The following LYN variants were observed in gnomAD, a reference collection of about 807,000 sequenced individuals.
LYN encodes the protein LYN proto-oncogene, Src family tyrosine kinase.
A neutral mutation model predicts 65.0 loss-of-function variants in LYN; 12 were observed. The ratio of observed to expected loss-of-function variants is 0.18; its 90% confidence interval spans 0.12 to 0.30. The LOEUF (loss-of-function observed/expected upper bound fraction) is 0.30, where lower values mean the gene tolerates loss of function less well. LYN is among the 10% of genes least tolerant of loss of function. The probability of loss-of-function intolerance (pLI) is 1.00; values close to 1 mark genes in which losing one functional copy is unlikely to be tolerated. For synonymous variants in LYN, 222 were observed against 221.2 expected, an observed-to-expected ratio of 1.00 and a Z score of -0.03; for missense variants, 380 against 623.2, an observed-to-expected ratio of 0.61 and a Z score of 4.16.
intron 6 of LYN, 82 bp from the exon 7 acceptor site, chr8:55,951,884 A>C: frequency 9.0e-7 from 1 of 1,109,756 alleles, no homozygotes; most frequent in Non-Finnish European, 1.3e-6. Context: ...TATTTGTATC[A>C]CAAAATGTGT....
At chr8:55,880,968 T>G (rs1420126292) in intron 1 of LYN, among the ~76,000 whole-genome samples, 3 of 152,158 alleles carry the variant, frequency 2.0e-5, no homozygotes, top group African/African-American at 7.2e-5. Context: ...TATCCCAAAT[T>G]CGCCCTTCTT....
At chr8:55,889,789 G>A (rs570763269) in intron 1 of LYN, among the ~76,000 whole-genome samples, 3 of 152,128 alleles carry the variant, frequency 2.0e-5, no homozygotes, top group African/African-American at 7.2e-5. Context: ...TTAATTTCAT[G>A]TGGGGGCTGA....
At chr8:55,911,082 CAT>C (rs1278671702) in intron 1 of LYN, among the ~76,000 whole-genome samples, 1 of 28,694 alleles carries the variant, frequency 3.5e-5, no homozygotes, top group Non-Finnish European at 6.2e-5. Flanking sequence ...TATATACATA[CAT>C]ATATATATAT....
intron 10 of LYN, among the ~76,000 whole-genome samples, chr8:55,994,217 TA>T (rs1808316161): frequency 6.6e-6 from 1 of 152,200 alleles, no homozygotes; most frequent in East Asian, 1.9e-4. Context: ...TAATTTTATA[TA>T]AAGGGAGAGG....
At chr8:55,970,688 C>G (rs1807586570) in intron 10 of LYN, among the ~76,000 whole-genome samples, 1 of 152,012 alleles carries the variant, frequency 6.6e-6, no homozygotes, top group Non-Finnish European at 1.5e-5. Flanking sequence ...CCAAGGAATG[C>G]ATGAGTACAG....
At chr8:55,998,195 A>G (rs117977399) in intron 10 of LYN, 151 bp from the exon 11 acceptor site, 1 of 517,654 alleles carries the variant, frequency 1.9e-6, no homozygotes, top group East Asian at 2.9e-5. Context: ...TCAAATGGTG[A>G]TTGCCATTAC....
intron 10 of LYN, among the ~76,000 whole-genome samples, chr8:55,986,665 C>T (rs1203468822): frequency 6.6e-6 from 1 of 152,166 alleles, no homozygotes; most frequent in East Asian, 1.9e-4. Context: ...CAAACACTGC[C>T]TCATCTTTGA....
chr8:55,899,383 A>AT (rs1805198399), intron 1 of LYN, among the ~76,000 whole-genome samples: 1 of 152,186 alleles, frequency 6.6e-6, no homozygotes, highest in African/African-American at 2.4e-5. Flanking sequence ...TTGAAAGGTT[A>AT]TTTTTTAAAA....
chr8:55,953,401 T>A (rs56007716), intron 7 of LYN, among the ~76,000 whole-genome samples: 2 of 151,912 alleles, frequency 1.3e-5, no homozygotes, highest in Non-Finnish European at 2.9e-5. Context: ...TAATCCAGCA[T>A]TTTGGGAGGC....
intron 4 of LYN, among the ~76,000 whole-genome samples, chr8:55,949,833 A>T (rs1165064490): frequency 6.6e-6 from 1 of 152,180 alleles, no homozygotes; most frequent in Admixed American, 6.5e-5. Flanking sequence ...TTTTTAGTAT[A>T]GTCACAGAAT....
intron 1 of LYN, among the ~76,000 whole-genome samples, chr8:55,936,982 A>C (rs1408413464): frequency 6.6e-6 from 1 of 150,962 alleles, no homozygotes; most frequent in Non-Finnish European, 1.5e-5. Context: ...TCTACCCCCC[A>C]CGTCTTTTGT....
intron 12 of LYN, among the ~76,000 whole-genome samples, chr8:56,007,912 A>C (rs1490203090): frequency 6.6e-6 from 1 of 152,112 alleles, no homozygotes; most frequent in East Asian, 1.9e-4. Context: ...TCAGGTCAGG[A>C]GTTTGAGACC....
intron 10 of LYN, among the ~76,000 whole-genome samples, chr8:55,979,881 C>T (rs1040957622): frequency 2.0e-5 from 3 of 152,238 alleles, no homozygotes; most frequent in South Asian, 4.1e-4. Context: ...CACCCTGGTG[C>T]GGAAGACCCC....
chr8:56,008,126 A>T lies in LYN; in HGVS notation c.1337-1782A>T, dbSNP rs1223316716. Among the ~76,000 whole-genome samples, 3 of 134,066 alleles carry T rather than the reference A, an allele frequency of 2.2e-5. No individual in the cohort carries two copies. The East Asian group carries it at 6.5e-4, about 29-fold the overall frequency. The allele number at this position is 134,066 out of a possible 152,430, so 88.0% of individuals were successfully genotyped here. A position where few individuals can be genotyped will look rare whatever the true frequency, so the allele number is the denominator to read the frequency against. ...AGAGGGAGACTCTGCCTCAAAAAAA[A>T]AATAAAATAAAATAAAATAAAATAA... is the stretch of plus-strand genomic sequence containing the variant. On this transcript the variant is annotated intron_variant, in intron 12 of 12. Transcript: ENST00000519728.
chr8:56,006,830 G>C (rs1808685612), intron 12 of LYN, among the ~76,000 whole-genome samples: 1 of 152,234 alleles, frequency 6.6e-6, no homozygotes, highest in South Asian at 2.1e-4. Context: ...ACTATCACAT[G>C]TAATCTTAGG....
intron 1 of LYN, among the ~76,000 whole-genome samples, chr8:55,892,767 A>G (rs1804992656): frequency 6.6e-6 from 1 of 152,160 alleles, no homozygotes; most frequent in African/African-American, 2.4e-5. Context: ...TTTTTTAAAA[A>G]GTTTTCCCAA....
chr8:55,940,539 C>A (rs1806580472), intron 1 of LYN, among the ~76,000 whole-genome samples: 1 of 152,104 alleles, frequency 6.6e-6, no homozygotes, highest in African/African-American at 2.4e-5. Flanking sequence ...CCACGCCCAG[C>A]TAATTTTTGT....
chr8:55,999,133 G>T (rs2130584682), intron 11 of LYN, among the ~76,000 whole-genome samples: 1 of 152,284 alleles, frequency 6.6e-6, no homozygotes, highest in South Asian at 2.1e-4. Flanking sequence ...ACCCACGAGA[G>T]CTGAGCAAAT....
In LYN at chr8:56,010,984, T is replaced by G. The variant is rs746016465; in HGVS notation, c.*874T>G. 3.0e-5 allele frequency: 7 copies of G among 232,408 alleles called. No individual in the cohort carries two copies. The highest frequency in any genetic ancestry group is 4.3e-5 in the Non-Finnish European group (5 of 117,630). 14.4% of individuals were successfully genotyped at this position (232,408 alleles called of 1,614,324 possible). Reference sequence around the variant, plus strand: ...GTTTGGAAGAACTAAGATTCTAATCTCTGAAGAACCTTATAGGGCCTTCTA... The same window carrying G: ...GTTTGGAAGAACTAAGATTCTAATCGCTGAAGAACCTTATAGGGCCTTCTA... On this transcript the variant is annotated 3_prime_UTR_variant, in exon 13 of 13. Coordinates refer to ENST00000519728, the MANE Select transcript of LYN (RefSeq NM_002350.4).
Sources: gnomAD v4.1 joint callset for allele counts (sites outside exome capture counted in the v4.1 genomes callset) on GRCh38, gnomAD v4.1.1 for gene constraint, MANE v1.5 for transcripts, NCBI Gene and HGNC (gene_info 2026-07-23, HGNC 2026-07-21) for gene names.